Variants in MYO1D observed in about 807,000 individuals in gnomAD.
MYO1D encodes the protein myosin ID.
In MYO1D, 83 loss-of-function variants were observed where a neutral mutation model predicts 122.0. The observed-to-expected ratio is 0.68, with a 90% CI of 0.57 to 0.82. MYO1D has a LOEUF of 0.82. Ranked by LOEUF, MYO1D falls within the 40% of genes least tolerant of loss-of-function variation. The probability of loss-of-function intolerance (pLI) is 0.00; values close to 1 mark genes in which losing one functional copy is unlikely to be tolerated. For synonymous variants in MYO1D, 464 were observed against 446.9 expected (o/e 1.04, Z -0.48); for missense variants, 1,157 against 1,269.5 (o/e 0.91, Z 1.35).
At chr17:32,822,479 G>A (rs375105901) in intron 1 of MYO1D, among the ~76,000 whole-genome samples, 1 of 148,502 alleles carries the variant, frequency 6.7e-6, no homozygotes, top group African/African-American at 2.5e-5. Context: ...TGGGGGGCGG[G>A]GGGCGCGCGT....
chr17:32,750,263 AGAAT>A (rs1243960152), intron 11 of MYO1D, among the ~76,000 whole-genome samples: 4 of 152,234 alleles, frequency 2.6e-5, no homozygotes, highest in Non-Finnish European at 5.9e-5. Flanking sequence ...TGCCCTGTTA[AGAAT>A]CACTTGGAAT....
rs200425982 is a variant in MYO1D at position 32,546,678 on chromosome 17, A to T, written c.2865-51763T>A. ...TGTTTCCCCAAACCCCTGTGCTCCC[A>T]AATATGAAAATATGAGTTCTCCTGC... On this transcript the variant is annotated intron_variant, in intron 21 of 21. Coordinates refer to ENST00000318217, the MANE Select transcript of MYO1D (RefSeq NM_015194.3). Among the ~76,000 whole-genome samples the T allele has an allele frequency of 2.6e-5, 4 of 152,334 alleles. No homozygotes were observed. In the East Asian group the frequency reaches 7.7e-4, roughly 29 times the overall value.
intron 21 of MYO1D, among the ~76,000 whole-genome samples, chr17:32,545,666 G>A (rs973494320): frequency 4.6e-5 from 7 of 152,108 alleles, no homozygotes; most frequent in African/African-American, 1.7e-4. Context: ...AGCATGAAAG[G>A]TCAATTATTA....
At chr17:32,875,992 G>T (rs9916842) in intron 1 of MYO1D, among the ~76,000 whole-genome samples, 4,753 of 152,182 alleles carry the variant, frequency 0.031, 252 homozygotes, top group African/African-American at 0.11. Flanking sequence ...TCCACATCTT[G>T]GAAGCCCATT....
chr17:32,839,409 A>G (rs2151072533), intron 1 of MYO1D, among the ~76,000 whole-genome samples: 1 of 152,350 alleles, frequency 6.6e-6, no homozygotes, highest in Middle Eastern at 3.4e-3. Context: ...GAACCAAAGG[A>G]GTGGAAAAGA....
At chr17:32,562,721 A>C (rs1478495139) in intron 21 of MYO1D, among the ~76,000 whole-genome samples, 3 of 151,920 alleles carry the variant, frequency 2.0e-5, no homozygotes, top group Non-Finnish European at 4.4e-5. Context: ...CTCCTGCCTC[A>C]CCTCCCAAAG....
At chr17:32,794,245 G>A (rs773206510) in intron 1 of MYO1D, 1 of 152,100 alleles carries the variant, frequency 6.6e-6, no homozygotes, top group Non-Finnish European at 1.5e-5. Context: ...AATGACTGAC[G>A]TTGTGACTTC....
intron 21 of MYO1D, among the ~76,000 whole-genome samples, chr17:32,557,825 T>C (rs916261180): frequency 1.3e-4 from 20 of 152,086 alleles, no homozygotes; most frequent in Non-Finnish European, 2.8e-4. Flanking sequence ...CTGAAAATTA[T>C]ATAAAATTCA....
At chr17:32,863,626 CAA>C (rs2091096760) in intron 1 of MYO1D, among the ~76,000 whole-genome samples, 1 of 152,146 alleles carries the variant, frequency 6.6e-6, no homozygotes, top group African/African-American at 2.4e-5. Context: ...CAGTAAATAC[CAA>C]GGACATGAAA....
At chr17:32,505,347 C>T (rs538027512) in intron 21 of MYO1D, 5 of 152,290 alleles carry the variant, frequency 3.3e-5, no homozygotes, top group Admixed American at 6.5e-5. Context: ...CTTCCTGTGC[C>T]GAATACAATT....
At chr17:32,855,265 T>C (rs541812789) in intron 1 of MYO1D, among the ~76,000 whole-genome samples, 1 of 152,322 alleles carries the variant, frequency 6.6e-6, no homozygotes, top group East Asian at 1.9e-4. Flanking sequence ...ACGTAACCAC[T>C]GCCTGTGCCA....
intron 12 of MYO1D, among the ~76,000 whole-genome samples, chr17:32,748,128 A>G (rs2089857383): frequency 6.6e-6 from 1 of 152,238 alleles, no homozygotes; most frequent in African/African-American, 2.4e-5. Flanking sequence ...AACCTAATGT[A>G]CTAAGGTAGT....
At chr17:32,855,516 C>T (rs11656181) in intron 1 of MYO1D, among the ~76,000 whole-genome samples, 69,980 of 151,968 alleles carry the variant, frequency 0.46, 16,241 homozygotes, top group East Asian at 0.54. Flanking sequence ...ATTCATTCAC[C>T]TTTGTTGTCA....
At chr17:32,794,159 G>A (rs1251337445) in intron 1 of MYO1D, 1 of 152,098 alleles carries the variant, frequency 6.6e-6, no homozygotes, top group Non-Finnish European at 1.5e-5. Flanking sequence ...ACCCTCTAAG[G>A]CCAAATGCCT....
intron 1 of MYO1D, among the ~76,000 whole-genome samples, chr17:32,831,147 T>C (rs1179371097): frequency 1.3e-5 from 2 of 152,226 alleles, no homozygotes; most frequent in Non-Finnish European, 2.9e-5. Flanking sequence ...GAGAATATTG[T>C]CAGACTTAAG....
intron 21 of MYO1D, among the ~76,000 whole-genome samples, chr17:32,532,657 C>T (rs2106355): frequency 0.28 from 39,292 of 141,600 alleles, 6,469 homozygotes; most frequent in Admixed American, 0.38. Flanking sequence ...ACCTGGGAGG[C>T]GGAGCTTGGA....
intron 1 of MYO1D, among the ~76,000 whole-genome samples, chr17:32,849,746 T>C (rs2151080432): frequency 6.6e-6 from 1 of 152,186 alleles, no homozygotes; most frequent in Admixed American, 6.5e-5. Flanking sequence ...CACGCCAGCA[T>C]GGCACATGTA....
In MYO1D at chr17:32,527,096, G is replaced by C. The variant is rs185127433; in HGVS notation, c.2865-32181C>G. On this transcript the variant is annotated intron_variant, in intron 21 of 21. Transcript: ENST00000318217. ...AAACACTTTTCGTAAGACCACAGTG[G>C]GGTCTTTCCCCGGCCCGCCATCACC... is the stretch of plus-strand genomic sequence containing the variant. Among the ~76,000 whole-genome samples the C allele has an allele frequency of 2.1e-3, 322 of 152,278 alleles. 1 individual carries two copies. Among genetic ancestry groups the C allele is most frequent in the African/African-American group, 7.4e-3 (306 of 41,552 alleles).
intron 17 of MYO1D, among the ~76,000 whole-genome samples, chr17:32,655,467 G>C (rs112790295): frequency 7.9e-5 from 12 of 152,248 alleles, no homozygotes; most frequent in African/African-American, 2.9e-4. Context: ...TATATAGGGT[G>C]GTTTATATAG....
Sources: gnomAD v4.1 joint callset for allele counts (sites outside exome capture counted in the v4.1 genomes callset) on GRCh38, gnomAD v4.1.1 for gene constraint, MANE v1.5 for transcripts, NCBI Gene and HGNC (gene_info 2026-07-23, HGNC 2026-07-21) for gene names.